GMDS: variants seen among roughly 807,000 people sequenced by gnomAD.
GMDS encodes the protein GDP-mannose 4,6-dehydratase.
A neutral mutation model predicts 49.9 loss-of-function variants in GMDS; 20 were observed. That is an observed-to-expected ratio of 0.40 (90% confidence interval 0.28 to 0.58). The LOEUF is 0.58. GMDS is among the 20% of genes least tolerant of loss of function. GMDS has a pLI of 0.42. For missense variants in GMDS, 362 were observed against 481.4 expected (o/e 0.75, Z 2.32); for synonymous variants, 177 against 178.6 (o/e 0.99, Z 0.07).
At chr6:1,629,119 A>G (rs1762924018) in intron 9 of GMDS, among the ~76,000 whole-genome samples, 1 of 152,226 alleles carries the variant, frequency 6.6e-6, no homozygotes, top group Admixed American at 6.5e-5. Flanking sequence ...AGACTGGGAA[A>G]TAACAAAAAA....
At chr6:2,220,984 G>A (rs1400989117) in intron 1 of GMDS, among the ~76,000 whole-genome samples, 5 of 152,240 alleles carry the variant, frequency 3.3e-5, no homozygotes, top group Non-Finnish European at 5.9e-5. Flanking sequence ...CACAACCAGC[G>A]TGGGGAATAC....
chr6:2,224,130 T>G (rs1256583587), intron 1 of GMDS, among the ~76,000 whole-genome samples: 1 of 152,074 alleles, frequency 6.6e-6, no homozygotes, highest in Non-Finnish European at 1.5e-5. Context: ...ATAACAACAG[T>G]TTAGGGTAGG....
At chr6:2,064,605 C>T (rs894870066) in intron 4 of GMDS, among the ~76,000 whole-genome samples, 1 of 152,152 alleles carries the variant, frequency 6.6e-6, no homozygotes, top group African/African-American at 2.4e-5. Context: ...CTATATTACC[C>T]ATGCCCCTTC....
intron 4 of GMDS, among the ~76,000 whole-genome samples, chr6:2,111,502 G>A (rs901233554): frequency 6.6e-6 from 1 of 151,952 alleles, no homozygotes; most frequent in East Asian, 1.9e-4. Context: ...TTTCATCTTC[G>A]CTGGTTTCCT....
chr6:1,970,907 T>A (rs1226660670), intron 4 of GMDS, among the ~76,000 whole-genome samples: 1 of 151,780 alleles, frequency 6.6e-6, no homozygotes, highest in Admixed American at 6.6e-5. Context: ...ATGGCACGTG[T>A]TTACCTGTGT....
At chr6:1,815,070 T>C (rs1001389872) in intron 7 of GMDS, among the ~76,000 whole-genome samples, 4 of 152,190 alleles carry the variant, frequency 2.6e-5, no homozygotes, top group Non-Finnish European at 5.9e-5. Context: ...TAAGATGAAA[T>C]AAATTCTGCT....
At chr6:2,151,931 T>C (rs1776865620) in intron 1 of GMDS, among the ~76,000 whole-genome samples, 1 of 152,172 alleles carries the variant, frequency 6.6e-6, no homozygotes, top group Non-Finnish European at 1.5e-5. Flanking sequence ...ATATTTCATG[T>C]TACCTTACCA....
chr6:2,146,369 T>A (rs1007279139), intron 1 of GMDS, among the ~76,000 whole-genome samples: 1 of 152,102 alleles, frequency 6.6e-6, no homozygotes, highest in East Asian at 1.9e-4. Context: ...ATGGGCAAAG[T>A]CAACAGTTAC....
intron 9 of GMDS, among the ~76,000 whole-genome samples, chr6:1,719,849 T>G (rs1394770486): frequency 6.6e-6 from 1 of 152,190 alleles, no homozygotes; most frequent in East Asian, 1.9e-4. Context: ...AACAGACTTT[T>G]AAGACGATAA....
intron 9 of GMDS, among the ~76,000 whole-genome samples, chr6:1,651,193 C>T (rs1420743277): frequency 6.6e-6 from 1 of 152,222 alleles, no homozygotes; most frequent in Admixed American, 6.5e-5. Context: ...TTTGATGGAG[C>T]AGCCCACACC....
intron 7 of GMDS, among the ~76,000 whole-genome samples, chr6:1,800,222 T>G (rs535591997): frequency 3.7e-4 from 57 of 152,298 alleles, no homozygotes; most frequent in African/African-American, 1.1e-3. Flanking sequence ...ACATGATATA[T>G]GGAAATAAAG....
At chr6:1,914,301 A>G (rs1761253961) in intron 7 of GMDS, among the ~76,000 whole-genome samples, 1 of 151,362 alleles carries the variant, frequency 6.6e-6, no homozygotes, top group African/African-American at 2.4e-5. Context: ...CTAAAAATAC[A>G]AAAAGTTAGC....
intron 7 of GMDS, among the ~76,000 whole-genome samples, chr6:1,834,906 C>A (rs943271057): frequency 6.6e-6 from 1 of 152,186 alleles, no homozygotes; most frequent in African/African-American, 2.4e-5. Context: ...TTTATACACA[C>A]TATTCTTGTT....
chr6:2,199,301 G>C (rs184964850), intron 1 of GMDS, among the ~76,000 whole-genome samples: 5 of 152,286 alleles, frequency 3.3e-5, no homozygotes, highest in Non-Finnish European at 7.4e-5. Context: ...AAATATCTCT[G>C]TTGGACCTTA....
chr6:1,796,370 T>C (rs226455), intron 7 of GMDS, among the ~76,000 whole-genome samples: 45,292 of 152,110 alleles, frequency 0.3, 6,850 homozygotes, highest in African/African-American at 0.35. Context: ...GTCCAGGTTA[T>C]AGACTACTCT....
chr6:1,855,837 C>G (rs1430592659), intron 7 of GMDS, among the ~76,000 whole-genome samples: 1 of 152,198 alleles, frequency 6.6e-6, no homozygotes, highest in East Asian at 1.9e-4. Context: ...AGGCACCATA[C>G]AGTCTAACCT....
At chr6:1,745,025 C>A (rs536704087) in intron 7 of GMDS, among the ~76,000 whole-genome samples, 1 of 152,172 alleles carries the variant, frequency 6.6e-6, no homozygotes, top group South Asian at 2.1e-4. Context: ...TGGCTTTTGC[C>A]AAAATACCTT....
At position 1,792,001 on chromosome 6, in the gene GMDS, C is replaced by T. The variant is rs918280789; in HGVS notation, c.772-49415G>A. ...TGTGTCTATTCTGTTATCTCCTGAT[C>T]GATGTATTTGAGGAATTAACTACTG... On this transcript the variant is annotated intron_variant, in intron 7 of 10. Coordinates refer to ENST00000380815, the MANE Select transcript of GMDS (RefSeq NM_001500.4). Among the ~76,000 whole-genome samples the T allele has an allele frequency of 3.3e-5, 5 of 152,012 alleles. No individual in the cohort carries two copies. The East Asian group carries it at 5.8e-4, about 18-fold the overall frequency.
At chr6:1,707,674 A>T (rs1208975653) in intron 9 of GMDS, among the ~76,000 whole-genome samples, 1 of 152,112 alleles carries the variant, frequency 6.6e-6, no homozygotes, top group Non-Finnish European at 1.5e-5. Context: ...CCTCCCAGGC[A>T]GCCTGGCATG....
Sources: allele counts gnomAD v4.1 joint callset (sites outside exome capture counted in the v4.1 genomes callset), GRCh38; gene constraint gnomAD v4.1.1; transcripts MANE v1.5; gene names NCBI Gene and HGNC (gene_info 2026-07-23, HGNC 2026-07-21).